Variants in RAD51B observed in about 807,000 individuals in gnomAD.
RAD51B encodes DNA repair protein RAD51 homolog 2.
RAD51B carries 38 observed loss-of-function variants against 42.2 expected under a neutral mutation model. The ratio of observed to expected loss-of-function variants is 0.90; its 90% confidence interval spans 0.70 to 1.18. The LOEUF is 1.18. Ranked by LOEUF, RAD51B falls within the 50% of genes most tolerant of loss-of-function variation. RAD51B has a pLI of 0.00. For synonymous variants in RAD51B, 154 were observed against 145.2 expected (o/e 1.06, Z -0.43); for missense variants, 373 against 400.7 (o/e 0.93, Z 0.59).
At chr14:68,611,491 G>A (rs1891681166) in exon 11 of RAD51B, 1 of 534,452 alleles carries the variant, frequency 1.9e-6, no homozygotes, top group Admixed American at 3.3e-5. Flanking sequence ...AGTGATTAGA[G>A]CTTCTGCCCT....
downstream of RAD51B, chr14:68,596,095 A>G (rs896006220): frequency 6.0e-6 from 6 of 993,112 alleles, no homozygotes; most frequent in Admixed American, 1.1e-4. Context: ...TCCATTTTAT[A>G]TTGGAGATTC....
At chr14:68,379,749 C>T (rs2083442680) in intron 8 of RAD51B, among the ~76,000 whole-genome samples, 1 of 152,150 alleles carries the variant, frequency 6.6e-6, no homozygotes, top group African/African-American at 2.4e-5. Flanking sequence ...GGCTACTTTC[C>T]CTCTACTTCC....
At chr14:68,496,311 C>T (rs929137387) in intron 10 of RAD51B, among the ~76,000 whole-genome samples, 4 of 152,176 alleles carry the variant, frequency 2.6e-5, no homozygotes, top group East Asian at 1.9e-4. Flanking sequence ...CAACTTGCCC[C>T]GGCAGCCTCC....
At chr14:68,397,937 A>G (rs2083973319) in intron 8 of RAD51B, among the ~76,000 whole-genome samples, 1 of 152,190 alleles carries the variant, frequency 6.6e-6, no homozygotes, top group Non-Finnish European at 1.5e-5. Context: ...GGCAGCAAAC[A>G]TATGTGAGGC....
chr14:68,540,586 G>A, intron 10 of RAD51B: 1 of 985,354 alleles, frequency 1.0e-6, no homozygotes, highest in East Asian at 1.1e-4. Context: ...GTGGTTCTAG[G>A]TGCTGTGCAA....
At chr14:68,590,720 CTG>C (rs144768335) in intron 10 of RAD51B, among the ~76,000 whole-genome samples, 3,192 of 152,326 alleles carry the variant, frequency 0.021, 112 homozygotes, top group African/African-American at 0.071. Flanking sequence ...CTCAAATTCT[CTG>C]TGTCTCTGCA....
chr14:68,329,981 CAA>C (rs57191974), intron 8 of RAD51B, among the ~76,000 whole-genome samples: 56,778 of 113,372 alleles, frequency 0.5, 13,281 homozygotes, highest in South Asian at 0.63. Context: ...GACTCTGTCT[CAA>C]AAAAAAAAAA....
intron 9 of RAD51B, among the ~76,000 whole-genome samples, chr14:68,462,484 G>A (rs969603530): frequency 6.6e-6 from 1 of 152,214 alleles, no homozygotes; most frequent in Non-Finnish European, 1.5e-5. Context: ...CTTCCAGATG[G>A]TAGTGGGATT....
chr14:68,211,041 G>A (rs138319932), intron 7 of RAD51B, among the ~76,000 whole-genome samples: 160 of 152,288 alleles, frequency 1.1e-3, no homozygotes, highest in Non-Finnish European at 5.6e-4. Flanking sequence ...CTTAGTGTCA[G>A]TTGTGTTCCC....
At chr14:68,441,968 G>C (rs1469623068) in intron 9 of RAD51B, among the ~76,000 whole-genome samples, 1 of 152,158 alleles carries the variant, frequency 6.6e-6, no homozygotes, top group Non-Finnish European at 1.5e-5. Flanking sequence ...TTCTTGACAG[G>C]TGGTCAGAGG....
At chr14:68,533,726 G>T (rs1001937788) in intron 10 of RAD51B, among the ~76,000 whole-genome samples, 5 of 150,838 alleles carry the variant, frequency 3.3e-5, no homozygotes, top group Non-Finnish European at 7.4e-5. Context: ...CTTTACTATG[G>T]AAAAAAAAAT....
At chr14:68,357,133 T>G (rs186549370) in intron 8 of RAD51B, among the ~76,000 whole-genome samples, 151 of 152,362 alleles carry the variant, frequency 9.9e-4, no homozygotes, top group Admixed American at 3.1e-3. Context: ...TTTCAAACCC[T>G]GCCACTGCTT....
At chr14:68,600,079 C>A (rs1891156848), downstream of RAD51B, among the ~76,000 whole-genome samples, 1 of 152,204 alleles carries the variant, frequency 6.6e-6, no homozygotes, top group Non-Finnish European at 1.5e-5. Flanking sequence ...GACTCCCTGT[C>A]CCACGGGATG....
intron 7 of RAD51B, among the ~76,000 whole-genome samples, chr14:67,932,729 G>T (rs1263171532): frequency 6.6e-6 from 1 of 152,154 alleles, no homozygotes; most frequent in African/African-American, 2.4e-5. Context: ...CACAGCCCCA[G>T]ACACACAGCT....
chr14:67,872,673 A>G (rs1566935252), intron 5 of RAD51B, among the ~76,000 whole-genome samples: 1 of 151,928 alleles, frequency 6.6e-6, no homozygotes, highest in Non-Finnish European at 1.5e-5. Context: ...GCATCACACT[A>G]CCTGACTTCA....
At chr14:68,631,110 C>A (rs181024024) in intron 10 of RAD51B, among the ~76,000 whole-genome samples, 2 of 152,144 alleles carry the variant, frequency 1.3e-5, no homozygotes, top group Admixed American at 1.3e-4. Context: ...GGAGTTAAGC[C>A]TGTCAACTAT....
intron 2 of RAD51B, 53 bp from the exon 3 acceptor site, chr14:67,825,411 T>C: frequency 3.9e-6 from 5 of 1,284,890 alleles, no homozygotes; most frequent in Admixed American, 2.1e-5. Context: ...CTTTTAACTC[T>C]AGTATCTTTG....
intron 8 of RAD51B, among the ~76,000 whole-genome samples, chr14:68,317,993 G>T (rs545501258): frequency 2.2e-4 from 33 of 152,310 alleles, no homozygotes; most frequent in African/African-American, 7.9e-4. Flanking sequence ...ATCAAGGAAG[G>T]CTTCCTAGAG....
chr14:68,046,216 C>T (rs895209231), intron 7 of RAD51B, among the ~76,000 whole-genome samples: 3 of 152,112 alleles, frequency 2.0e-5, no homozygotes, highest in Non-Finnish European at 2.9e-5. Flanking sequence ...CTTGACCTTT[C>T]GGGCTCAAGC....
Sources: gnomAD v4.1 joint callset for allele counts (sites outside exome capture counted in the v4.1 genomes callset) on GRCh38, gnomAD v4.1.1 for gene constraint, MANE v1.5 for transcripts, NCBI Gene and HGNC (gene_info 2026-07-23, HGNC 2026-07-21) for gene names.